Variants in NTRK2 observed in about 807,000 individuals in gnomAD.
The protein encoded by NTRK2 is neurotrophic receptor tyrosine kinase 2.
A neutral mutation model predicts 94.5 loss-of-function variants in NTRK2; 13 were observed. That is an observed-to-expected ratio of 0.14 (90% confidence interval 0.09 to 0.22). NTRK2 has a LOEUF of 0.22. Among genes scored for constraint, NTRK2 ranks in the 10% least tolerant of loss-of-function variants. NTRK2 has a pLI of 1.00. For synonymous variants in NTRK2, 372 were observed against 407.4 expected (o/e 0.91, Z 1.05); for missense variants, 639 against 1,071.2 (o/e 0.60, Z 5.63).
chr9:84,777,493 A>T (rs544595391), intron 12 of NTRK2, among the ~76,000 whole-genome samples: 1 of 152,342 alleles, frequency 6.6e-6, no homozygotes, highest in South Asian at 2.1e-4. Context: ...TGTAGAACAG[A>T]TTTCTTCTTT....
intron 14 of NTRK2, among the ~76,000 whole-genome samples, chr9:84,889,116 G>A (rs1039526218): frequency 6.9e-6 from 1 of 145,260 alleles, no homozygotes; most frequent in Non-Finnish European, 1.5e-5. Flanking sequence ...TCAGCCTCCC[G>A]AGTAGCTGGG....
At chr9:84,805,340 T>A (rs548788834) in intron 12 of NTRK2, among the ~76,000 whole-genome samples, 1 of 152,348 alleles carries the variant, frequency 6.6e-6, no homozygotes, top group Non-Finnish European at 1.5e-5. Flanking sequence ...CACGTTTTTT[T>A]CCCTTTGTCC....
chr9:84,693,023 G>T (rs1028151358), intron 2 of NTRK2, among the ~76,000 whole-genome samples: 1 of 152,178 alleles, frequency 6.6e-6, no homozygotes, highest in African/African-American at 2.4e-5. Context: ...CACAGCTCGT[G>T]GTTGCCAGGA....
At chr9:84,956,323 G>A (rs574682037) in intron 17 of NTRK2, among the ~76,000 whole-genome samples, 1 of 152,314 alleles carries the variant, frequency 6.6e-6, no homozygotes, top group East Asian at 1.9e-4. Context: ...CTGAGAGGCA[G>A]AGTTACAGAC....
intron 12 of NTRK2, among the ~76,000 whole-genome samples, chr9:84,839,769 C>G (rs2074069461): frequency 6.6e-6 from 1 of 152,210 alleles, no homozygotes; most frequent in Admixed American, 6.5e-5. Context: ...GCCGCCTTCT[C>G]CCTAATCCCT....
At chr9:84,894,693 A>T (rs1028372608) in intron 14 of NTRK2, among the ~76,000 whole-genome samples, 1 of 152,256 alleles carries the variant, frequency 6.6e-6, no homozygotes, top group Non-Finnish European at 1.5e-5. Flanking sequence ...ACTTACAAAT[A>T]TATCTGAGTG....
At chr9:84,748,632 T>C (rs544592602) in intron 11 of NTRK2, among the ~76,000 whole-genome samples, 131 of 152,314 alleles carry the variant, frequency 8.6e-4, no homozygotes, top group Middle Eastern at 3.4e-3. Context: ...TGCTGCATGG[T>C]TGGGGGACTT....
chr9:84,967,245 C>G (rs1018757588), intron 17 of NTRK2, among the ~76,000 whole-genome samples: 1 of 152,158 alleles, frequency 6.6e-6, no homozygotes, highest in Non-Finnish European at 1.5e-5. Flanking sequence ...GACATGCCAA[C>G]ACAGAGCACA....
At chr9:84,690,160 T>G (rs969445001) in intron 2 of NTRK2, among the ~76,000 whole-genome samples, 1 of 152,152 alleles carries the variant, frequency 6.6e-6, no homozygotes, top group Non-Finnish European at 1.5e-5. Flanking sequence ...CTTTCCTTAC[T>G]CCCATAGCCT....
Position 85,026,642 on chromosome 9 carries a change from G to T in NTRK2, c.*5205G>T. 1 of 232,904 alleles carries T rather than the reference G, an allele frequency of 4.3e-6. No individual in the cohort carries two copies. Among genetic ancestry groups the T allele is most frequent in the Non-Finnish European group, 8.5e-6 (1 of 117,890 alleles). The allele number at this position is 232,904 out of a possible 1,614,324, so 14.4% of individuals were successfully genotyped here. ...ATCATTACCTATGACTTACAAATCT[G>T]CCTGGAGATGTGGACATTCTGCATT... On this transcript the variant is annotated 3_prime_UTR_variant, in exon 19 of 19. Transcript: ENST00000277120.
intron 15 of NTRK2, among the ~76,000 whole-genome samples, chr9:84,943,653 G>A (rs572370519): frequency 6.6e-6 from 1 of 152,276 alleles, no homozygotes; most frequent in South Asian, 2.1e-4. Flanking sequence ...GAAGAAGAGG[G>A]ATTGTCAGTG....
intron 14 of NTRK2, among the ~76,000 whole-genome samples, chr9:84,933,815 A>G (rs899105158): frequency 1.3e-5 from 2 of 152,226 alleles, no homozygotes; most frequent in African/African-American, 2.4e-5. Flanking sequence ...GCTAACAAAT[A>G]TATGCAAAGC....
chr9:84,792,132 A>G (rs2133219148), intron 12 of NTRK2, among the ~76,000 whole-genome samples: 1 of 152,330 alleles, frequency 6.6e-6, no homozygotes, highest in Non-Finnish European at 1.5e-5. Flanking sequence ...ACTGTGGAAT[A>G]TTATGAACAG....
In NTRK2 at chr9:84,870,364, T is replaced by A. The variant is rs184174829; in HGVS notation, c.1633+2933T>A. Among the ~76,000 whole-genome samples, 461 of 131,602 alleles carry A rather than the reference T, an allele frequency of 3.5e-3. 9 individuals are homozygous for A. Among genetic ancestry groups the A allele is most frequent in the East Asian group, 0.016 (63 of 4,004 alleles). 86.3% of individuals were successfully genotyped at this position (131,602 alleles called of 152,430 possible). ...ATATATATATATATATATATATATA[T>A]AAAACTCTGTCACCCAGGCTGGAGT... is the stretch of plus-strand genomic sequence containing the variant. On this transcript the variant is annotated intron_variant, in intron 14 of 18. Coordinates refer to ENST00000277120, the MANE Select transcript of NTRK2 (RefSeq NM_006180.6).
intron 2 of NTRK2, among the ~76,000 whole-genome samples, chr9:84,693,650 G>A (rs543169066): frequency 3.3e-5 from 5 of 152,120 alleles, no homozygotes; most frequent in East Asian, 1.9e-4. Context: ...ATAATAATTA[G>A]CATTAATTGA....
chr9:84,890,662 T>C (rs2076568515), intron 14 of NTRK2, among the ~76,000 whole-genome samples: 1 of 152,230 alleles, frequency 6.6e-6, no homozygotes, highest in Non-Finnish European at 1.5e-5. Flanking sequence ...ATCTTCCTAC[T>C]GCCATAATAT....
At chr9:84,971,173 G>A (rs535521364) in intron 17 of NTRK2, among the ~76,000 whole-genome samples, 2 of 152,246 alleles carry the variant, frequency 1.3e-5, no homozygotes, top group East Asian at 3.9e-4. Context: ...GGAACAGAAA[G>A]AATCAAAATA....
intron 14 of NTRK2, among the ~76,000 whole-genome samples, chr9:84,887,350 T>C (rs959196058): frequency 5.3e-5 from 8 of 152,188 alleles, no homozygotes; most frequent in African/African-American, 1.7e-4. Flanking sequence ...GGGGTTAACT[T>C]ACGGTTATCT....
chr9:84,967,512 G>A (rs762651156), intron 17 of NTRK2, among the ~76,000 whole-genome samples: 3 of 152,224 alleles, frequency 2.0e-5, no homozygotes, highest in South Asian at 2.1e-4. Flanking sequence ...TTTAGAATCC[G>A]AACACTGAAA....
Sources: gnomAD v4.1 joint callset for allele counts (sites outside exome capture counted in the v4.1 genomes callset) on GRCh38, gnomAD v4.1.1 for gene constraint, MANE v1.5 for transcripts, NCBI Gene and HGNC (gene_info 2026-07-23, HGNC 2026-07-21) for gene names.